RBMS2: variants seen among roughly 807,000 people sequenced by gnomAD.
RBMS2 encodes RNA binding motif single stranded interacting protein 2.
Under a neutral mutation model 58.4 loss-of-function variants are expected in RBMS2, and 38 were observed. The observed-to-expected ratio is 0.65, with a 90% CI of 0.50 to 0.85. RBMS2 has a LOEUF of 0.85. RBMS2 is among the 40% of genes least tolerant of loss of function. The pLI is 0.00. For missense variants in RBMS2, 367 were observed against 503.7 expected (o/e 0.73, Z 2.60); for synonymous variants, 151 against 180.7 (o/e 0.84, Z 1.32).
chr12:56,566,485 GACTCTGCTACCAAAGTATAATTTTCAAA>G (rs1881367008), intron 2 of RBMS2, among the ~76,000 whole-genome samples: 2 of 152,150 alleles, frequency 1.3e-5, no homozygotes, highest in African/African-American at 4.8e-5. Context: ...AGTTCCACAT[GACTCTGCTACCAAAGTATAATTTTCAAA>G]AAGTTGAAAA....
In RBMS2 at chr12:56,589,920, T is replaced by G. The variant is rs1885181493; in HGVS notation, c.*787T>G. On this transcript the variant is annotated 3_prime_UTR_variant, in exon 14 of 14. Transcript: ENST00000262031. ...ACACTAAGTAGGCCATGGAAGTGGC[T>G]GTTCTTTCCCCCACCCTGCCACACC... 6.6e-6 allele frequency: 1 copy of G among 152,442 alleles called. No individual in the cohort carries two copies. The highest frequency in any genetic ancestry group is 1.5e-5 in the Non-Finnish European group (1 of 68,088). The allele number at this position is 152,442 out of a possible 1,614,324, so 9.4% of individuals were successfully genotyped here. A position where few individuals can be genotyped will look rare whatever the true frequency, so the allele number is the denominator to read the frequency against.
chr12:56,586,263 C>T (rs1240239320), intron 9 of RBMS2, among the ~76,000 whole-genome samples: 1 of 151,592 alleles, frequency 6.6e-6, no homozygotes, highest in Non-Finnish European at 1.5e-5. Flanking sequence ...ACCCGGGAGG[C>T]GGAGCTTGCA....
In RBMS2 at chr12:56,564,046, T is replaced by A. The variant is rs147705676; in HGVS notation, c.233+1463T>A. ...ATCACAAGACAGAGAAGAATCTTTT[T>A]TTTTTAAGACTGAGTCTCAGCCTCC... On this transcript the variant is annotated intron_variant, in intron 2 of 13. Coordinates refer to ENST00000262031, the MANE Select transcript of RBMS2 (RefSeq NM_002898.4). Among the ~76,000 whole-genome samples the A allele has an allele frequency of 1.8e-3, 272 of 152,246 alleles. 3 individuals carry two copies. Among genetic ancestry groups the A allele is most frequent in the African/African-American group, 5.4e-3 (224 of 41,570 alleles).
At position 56,522,101 on chromosome 12, in the gene RBMS2, C is replaced by T. The variant is rs762040601; in HGVS notation, c.66+12C>T. ...GAAACAACAAGAAGGTAGGGAAAAG[C>T]GCTTTTTTGGTATCTAGCTACTTCT... On this transcript the variant is annotated intron_variant, in intron 1 of 13. Coordinates refer to ENST00000262031, the MANE Select transcript of RBMS2 (RefSeq NM_002898.4). 1.3e-6 allele frequency: 2 copies of T among 1,574,866 alleles called. No individual in the cohort carries two copies. The highest frequency in any genetic ancestry group is 1.1e-5 in the South Asian group (1 of 89,828).
intron 1 of RBMS2, among the ~76,000 whole-genome samples, chr12:56,554,526 A>C (rs1268438030): frequency 1.3e-5 from 2 of 152,134 alleles, no homozygotes; most frequent in African/African-American, 4.8e-5. Context: ...TATAAATGGG[A>C]GCTGAACAAT....
intron 1 of RBMS2, among the ~76,000 whole-genome samples, chr12:56,534,824 G>C (rs1874453682): frequency 6.6e-6 from 1 of 152,008 alleles, no homozygotes; most frequent in Non-Finnish European, 1.5e-5. Context: ...TGTATTTTTA[G>C]TAGACACAGA....
chr12:56,562,517 C>T lies in RBMS2; in HGVS notation c.167C>T (p.Thr56Ile), dbSNP rs1034294284. The change falls in exon 2 of 14, where the codon ACC (threonine) becomes ATC (isoleucine). Residue 56 changes from threonine (T) to isoleucine (I), a missense_variant. Coordinates refer to ENST00000262031, the MANE Select transcript of RBMS2 (RefSeq NM_002898.4). ...GSNGNDQLSK[T>I]NLYIRGLQPG... ...AATGGAAATGACCAGCTGAGCAAAA[C>T]CAACCTATACATCCGAGGATTGCAA... 2 of 1,611,614 alleles carry T rather than the reference C, an allele frequency of 1.2e-6. No homozygotes were observed. The highest frequency in any genetic ancestry group is 8.5e-7 in the Non-Finnish European group (1 of 1,177,646).
At chr12:56,570,622 G>A (rs557794209) in intron 4 of RBMS2, among the ~76,000 whole-genome samples, 6 of 152,042 alleles carry the variant, frequency 3.9e-5, no homozygotes, top group African/African-American at 7.2e-5. Context: ...CTGTCGCCCC[G>A]GCTGGAGTGC....
intron 1 of RBMS2, among the ~76,000 whole-genome samples, chr12:56,538,327 C>A (rs1239637281): frequency 6.6e-6 from 1 of 152,068 alleles, no homozygotes; most frequent in African/African-American, 2.4e-5. Flanking sequence ...AGCCACCACA[C>A]CCGGCCCATC....
chr12:56,569,993 A>G lies in RBMS2; in HGVS notation c.384+3A>G, dbSNP rs1398259534. ...GTGTACAGGCACAGATGGCAAAGGT[A>G]AGGGTACTACCCCATGTCTGTTCCT... On this transcript the variant is annotated splice_donor_region_variant and intron_variant, in intron 4 of 13. Transcript: ENST00000262031. The G allele has an allele frequency of 6.2e-7, 1 of 1,605,730 alleles. No homozygotes were observed. Among genetic ancestry groups the G allele is most frequent in the Non-Finnish European group, 8.5e-7 (1 of 1,172,374 alleles).
rs567336596 is a variant in RBMS2 at position 56,555,224 on chromosome 12, T to G, written c.67-7193T>G. Among the ~76,000 whole-genome samples, 11 of 152,142 alleles carry G rather than the reference T, an allele frequency of 7.2e-5. No homozygotes were observed. The East Asian group carries it at 2.1e-3, about 29-fold the overall frequency. On this transcript the variant is annotated intron_variant, in intron 1 of 13. Transcript: ENST00000262031. ...ATAGCAATTCCTTCTGTTTTGTTTTTTTTTAATTGTCTAGGACTGAGACTG... is the reference window on the plus strand; with the variant it reads ...ATAGCAATTCCTTCTGTTTTGTTTTGTTTTAATTGTCTAGGACTGAGACTG...
At chr12:56,531,084 T>C (rs1427625343) in intron 1 of RBMS2, among the ~76,000 whole-genome samples, 1 of 152,190 alleles carries the variant, frequency 6.6e-6, no homozygotes, top group Non-Finnish European at 1.5e-5. Context: ...AGGGGACTTT[T>C]TTCTGAACCC....
At chr12:56,584,756 G>A (rs1884449354) in intron 9 of RBMS2, among the ~76,000 whole-genome samples, 1 of 151,402 alleles carries the variant, frequency 6.6e-6, no homozygotes, top group African/African-American at 2.4e-5. Context: ...CTGCACTCCA[G>A]CCTCGGCGAC....
chr12:56,560,570 T>C (rs1880218321), intron 1 of RBMS2, among the ~76,000 whole-genome samples: 1 of 152,008 alleles, frequency 6.6e-6, no homozygotes, highest in South Asian at 2.1e-4. Flanking sequence ...AATTTTTGTA[T>C]TTTTTGTAGA....
chr12:56,587,833 A>G, intron 11 of RBMS2, 169 bp downstream of exon 11: 2 of 657,572 alleles, frequency 3.0e-6, no homozygotes, highest in Non-Finnish European at 3.8e-6. Context: ...TGAGCCAGGA[A>G]TACAGCCATT....
intron 1 of RBMS2, among the ~76,000 whole-genome samples, chr12:56,531,708 A>G (rs1873760352): frequency 6.6e-6 from 1 of 151,600 alleles, no homozygotes; most frequent in South Asian, 2.1e-4. Context: ...GGCACCTGTA[A>G]TCCCAGCTAC....
intron 1 of RBMS2, among the ~76,000 whole-genome samples, chr12:56,540,836 C>T (rs1001196470): frequency 1.3e-5 from 2 of 152,172 alleles, no homozygotes. Context: ...CTTGGTGGCT[C>T]ATGCCTGTAA....
At chr12:56,525,221 T>A (rs1284955723) in intron 1 of RBMS2, among the ~76,000 whole-genome samples, 1 of 152,052 alleles carries the variant, frequency 6.6e-6, no homozygotes, top group Non-Finnish European at 1.5e-5. Flanking sequence ...TTTTATTTAT[T>A]TGTTTATTTA....
intron 2 of RBMS2, 75 bp downstream of exon 2, chr12:56,562,658 G>T (rs118006674): frequency 7.5e-6 from 11 of 1,474,922 alleles, no homozygotes; most frequent in Non-Finnish European, 8.4e-6. Flanking sequence ...TCGTTATGTT[G>T]TCCAGGCTAG....
Sources: allele counts gnomAD v4.1 joint callset (sites outside exome capture counted in the v4.1 genomes callset), GRCh38; gene constraint gnomAD v4.1.1; transcripts MANE v1.5; gene names NCBI Gene and HGNC (gene_info 2026-07-23, HGNC 2026-07-21).